GATAD2A: variants seen among roughly 807,000 people sequenced by gnomAD.
GATAD2A encodes the protein GATA zinc finger domain containing 2A, also known as transcriptional repressor p66-alpha.
Under a neutral mutation model 68.5 loss-of-function variants are expected in GATAD2A, and 12 were observed. The observed-to-expected ratio is 0.18, with a 90% confidence interval of 0.11 to 0.28. GATAD2A has a LOEUF of 0.28. Ranked by LOEUF, GATAD2A falls within the 10% of genes least tolerant of loss-of-function variation. GATAD2A has a pLI of 1.00. For synonymous variants in GATAD2A, 410 were observed against 375.3 expected (o/e 1.09, Z -1.07); for missense variants, 755 against 868.5 (o/e 0.87, Z 1.64).
intron 1 of GATAD2A, among the ~76,000 whole-genome samples, chr19:19,454,472 A>C (rs2147868880): frequency 6.6e-6 from 1 of 151,850 alleles, no homozygotes; most frequent in East Asian, 2.0e-4. Context: ...GTTGGCACCC[A>C]CCTGTGGTCC....
chr19:19,455,730 G>C (rs149981372), intron 1 of GATAD2A, among the ~76,000 whole-genome samples: 1 of 152,240 alleles, frequency 6.6e-6, no homozygotes, highest in East Asian at 1.9e-4. Context: ...CATCCCGGGA[G>C]TTCCTGGAAA....
chr19:19,418,983 G>A (rs2051993504), intron 1 of GATAD2A, among the ~76,000 whole-genome samples: 1 of 152,150 alleles, frequency 6.6e-6, no homozygotes, highest in Non-Finnish European at 1.5e-5. Context: ...GGGCTGGGAT[G>A]TACTCTGGCT....
At chr19:19,413,031 A>C (rs529641907) in intron 1 of GATAD2A, among the ~76,000 whole-genome samples, 2 of 152,286 alleles carry the variant, frequency 1.3e-5, no homozygotes, top group East Asian at 3.9e-4. Context: ...ATAATTGTAA[A>C]ATGGGACCAG....
At chr19:19,471,162 G>A (rs2058277529) in intron 2 of GATAD2A, among the ~76,000 whole-genome samples, 1 of 151,750 alleles carries the variant, frequency 6.6e-6, no homozygotes, top group African/African-American at 2.4e-5. Flanking sequence ...AGGCTGAGGA[G>A]GGAGAATTGT....
intron 1 of GATAD2A, among the ~76,000 whole-genome samples, chr19:19,424,178 C>T (rs575446277): frequency 9.9e-5 from 15 of 152,276 alleles, no homozygotes; most frequent in Admixed American, 3.3e-4. Flanking sequence ...CCCACCTCAG[C>T]GTCCCAAAGG....
chr19:19,409,402 A>G (rs2050662135), intron 1 of GATAD2A, among the ~76,000 whole-genome samples: 1 of 152,160 alleles, frequency 6.6e-6, no homozygotes. Flanking sequence ...ATTTCCTCCT[A>G]ACCCTTGTCT....
intron 1 of GATAD2A, among the ~76,000 whole-genome samples, chr19:19,446,763 T>G (rs988210492): frequency 2.6e-5 from 4 of 152,238 alleles, no homozygotes; most frequent in African/African-American, 9.6e-5. Flanking sequence ...CTCACTATGT[T>G]GCCCAGGCCG....
chr19:19,425,855 T>C (rs929772945), intron 1 of GATAD2A, among the ~76,000 whole-genome samples: 12 of 151,984 alleles, frequency 7.9e-5, no homozygotes, highest in African/African-American at 2.9e-4. Flanking sequence ...AGTGGCTCAG[T>C]GTCTGCTCAC....
intron 2 of GATAD2A, among the ~76,000 whole-genome samples, chr19:19,481,145 T>C (rs566181683): frequency 8.5e-5 from 13 of 152,130 alleles, no homozygotes; most frequent in African/African-American, 3.1e-4. Context: ...GGGCCTAGCA[T>C]GGGTGTAGGG....
chr19:19,434,276 C>T (rs545054640), intron 1 of GATAD2A, among the ~76,000 whole-genome samples: 1 of 152,266 alleles, frequency 6.6e-6, no homozygotes, highest in African/African-American at 2.4e-5. Context: ...GCTTCCCACC[C>T]TCGGGGCAGA....
intron 1 of GATAD2A, among the ~76,000 whole-genome samples, chr19:19,441,098 A>G (rs2055020021): frequency 6.7e-6 from 1 of 148,374 alleles, no homozygotes; most frequent in Non-Finnish European, 1.5e-5. Context: ...GCTGGAGTGC[A>G]GTGGTGCGAT....
At chr19:19,405,540 G>A (rs2050113084), upstream of GATAD2A, among the ~76,000 whole-genome samples, 1 of 152,086 alleles carries the variant, frequency 6.6e-6, no homozygotes, top group African/African-American at 2.4e-5. Context: ...TCGCGTGGGA[G>A]CGCGCCGGAG....
At chr19:19,393,582 A>G (rs777077619) in intron 1 of GATAD2A, among the ~76,000 whole-genome samples, 5 of 152,190 alleles carry the variant, frequency 3.3e-5, no homozygotes, top group Non-Finnish European at 5.9e-5. Flanking sequence ...TCTTAGTTGC[A>G]GACAAATAAA....
At chr19:19,401,699 C>T (rs1203932407), upstream of GATAD2A, among the ~76,000 whole-genome samples, 1 of 150,982 alleles carries the variant, frequency 6.6e-6, no homozygotes, top group Non-Finnish European at 1.5e-5. Context: ...ATGTTGTCCA[C>T]CAAGAACTTC....
At chr19:19,400,747 G>T (rs971417298), upstream of GATAD2A, among the ~76,000 whole-genome samples, 2 of 151,998 alleles carry the variant, frequency 1.3e-5, no homozygotes, top group African/African-American at 4.8e-5. Flanking sequence ...CATGGATTTG[G>T]GGTGAAATAA....
intron 1 of GATAD2A, among the ~76,000 whole-genome samples, chr19:19,451,809 G>A (rs1170465072): frequency 6.6e-6 from 1 of 152,206 alleles, no homozygotes; most frequent in African/African-American, 2.4e-5. Flanking sequence ...GAGAACTACT[G>A]TTCTTTTGTT....
intron 2 of GATAD2A, among the ~76,000 whole-genome samples, chr19:19,490,734 A>C (rs1048005209): frequency 1.3e-5 from 2 of 152,152 alleles, no homozygotes; most frequent in Non-Finnish European, 2.9e-5. Flanking sequence ...TACAAAAAAA[A>C]AATTAGCCCG....
intron 1 of GATAD2A, among the ~76,000 whole-genome samples, chr19:19,426,613 T>C (rs1026536205): frequency 1.3e-5 from 2 of 152,132 alleles, no homozygotes; most frequent in Admixed American, 1.3e-4. Flanking sequence ...TGGGTTCCAG[T>C]GATTCTTGTG....
At chr19:19,476,712 C>CG (rs2058699934) in intron 2 of GATAD2A, among the ~76,000 whole-genome samples, 2 of 152,162 alleles carry the variant, frequency 1.3e-5, no homozygotes, top group African/African-American at 4.8e-5. Context: ...TCTCTGTGTG[C>CG]AGAACAGGTA....
Sources: gnomAD v4.1 joint callset for allele counts (sites outside exome capture counted in the v4.1 genomes callset) on GRCh38, gnomAD v4.1.1 for gene constraint, MANE v1.5 for transcripts, NCBI Gene and HGNC (gene_info 2026-07-23, HGNC 2026-07-21) for gene names.